The following KDM3A variants were observed in gnomAD, a reference collection of about 807,000 sequenced individuals.
The protein encoded by KDM3A is lysine-specific demethylase 3A.
Under a neutral mutation model 158.0 loss-of-function variants are expected in KDM3A, and 60 were observed. The observed-to-expected ratio is 0.38, with a 90% CI of 0.31 to 0.47. The LOEUF is 0.47. Ranked by LOEUF, KDM3A falls within the 20% of genes least tolerant of loss-of-function variation. KDM3A has a pLI of 0.99. For synonymous variants in KDM3A, 608 were observed against 549.3 expected (o/e 1.11, Z -1.49); for missense variants, 1,319 against 1,574.3 (o/e 0.84, Z 2.74).
intron 11 of KDM3A, among the ~76,000 whole-genome samples, chr2:86,474,335 A>G (rs561220885): frequency 6.4e-4 from 98 of 152,308 alleles, no homozygotes; most frequent in Non-Finnish European, 1.2e-3. Context: ...GAGATTACAG[A>G]AAACTAGGAA....
At chr2:86,491,551 T>C (rs985515179) in intron 25 of KDM3A, 2 of 432,456 alleles carry the variant, frequency 4.6e-6, no homozygotes, top group South Asian at 6.0e-5. Context: ...ATGTGACTTC[T>C]GATCTTGGCC....
rs1673346123 is a variant in KDM3A, at chr2:86,470,344, C to T, written c.1660C>T (p.Leu554Phe). ...ATGCCGAGAGTGTCGCTTGGACAGT[C>T]TCCGCAAGGATAAGGAGCAACAGAA... ...PKCRECRLDS[L>F]RKDKEQQKDS... Residue 554 changes from leucine to phenylalanine, a missense_variant, in exon 11 of 26, where the codon CTC (leucine) becomes TTC (phenylalanine). Leu to Phe is a conservative substitution (Grantham distance 22, BLOSUM62 0). This residue lies in a region of KDM3A where 113 missense variants were observed against 190.5 expected (regional missense o/e 0.59). Coordinates refer to ENST00000312912, the MANE Select transcript of KDM3A (RefSeq NM_018433.6). The T allele has an allele frequency of 6.2e-7, 1 of 1,613,974 alleles. No homozygotes were observed. The highest frequency in any genetic ancestry group is 1.7e-5 in the Admixed American group (1 of 60,002).
chr2:86,444,195 G>A (rs1010601877), intron 2 of KDM3A, among the ~76,000 whole-genome samples: 4 of 152,198 alleles, frequency 2.6e-5, no homozygotes, highest in Non-Finnish European at 2.9e-5. Flanking sequence ...TTAGGAAAAG[G>A]AATCTTGTCC....
intron 8 of KDM3A, among the ~76,000 whole-genome samples, chr2:86,459,234 G>A (rs1672827651): frequency 6.6e-6 from 1 of 152,236 alleles, no homozygotes; most frequent in South Asian, 2.1e-4. Flanking sequence ...GTAAGGCTCT[G>A]GGTAATTAAT....
intron 9 of KDM3A, among the ~76,000 whole-genome samples, chr2:86,466,066 T>C (rs1673131717): frequency 6.6e-6 from 1 of 152,142 alleles, no homozygotes; most frequent in Non-Finnish European, 1.5e-5. Context: ...TATTTTGTTT[T>C]GAGGGAAAGC....
chr2:86,449,778 TC>T (rs1033573742), intron 2 of KDM3A, 28 bp from the exon 3 acceptor site: 9 of 1,574,756 alleles, frequency 5.7e-6, no homozygotes, highest in Non-Finnish European at 7.7e-6. Flanking sequence ...TGAATCTGCT[TC>T]CCCCACCCCC....
rs968947958 is a variant in KDM3A, at chr2:86,484,917, A to G, written c.3095-25A>G. On this transcript the variant is annotated intron_variant, in intron 19 of 25. Transcript: ENST00000312912. ...GTCTGTTTCTGAATTATAAATAGTA[A>G]TAGTTCATTCTGTTTACCTTTCAGA... The G allele has an allele frequency of 8.6e-6, 12 of 1,398,742 alleles. No individual in the cohort carries two copies. The Admixed American group carries it at 1.0e-4, about 12-fold the overall frequency. 86.6% of individuals were successfully genotyped at this position (1,398,742 alleles called of 1,614,324 possible). A position where few individuals can be genotyped will look rare whatever the true frequency, so the allele number is the denominator to read the frequency against.
rs1240559097 is a variant in KDM3A, at chr2:86,464,201, C to G, written c.992C>G (p.Ala331Gly). Residue 331 changes from alanine to glycine, a missense_variant, in exon 9 of 26, where the codon GCA becomes GGA. Around this residue, in one of 4 missense-constraint regions of KDM3A, gnomAD observed 652 missense variants for 627.2 expected, o/e 1.04. Coordinates refer to ENST00000312912, the MANE Select transcript of KDM3A (RefSeq NM_018433.6). The part of the protein sequence containing the change: ...QAANSPPNLG[A>G]KIPQGCHKQS... ...GCCAACTCTCCACCTAACCTTGGAGCAAAAATTCCTCAAGGGTGAGTAGTG... is the reference window on the plus strand; with the variant it reads ...GCCAACTCTCCACCTAACCTTGGAGGAAAAATTCCTCAAGGGTGAGTAGTG... The G allele has an allele frequency of 6.3e-7, 1 of 1,598,346 alleles. No homozygotes were observed. The highest frequency in any genetic ancestry group is 1.3e-5 in the African/African-American group (1 of 74,142).
Position 86,456,416 on chromosome 2 carries a change from ATTTTTT to A in KDM3A, c.557-9_557-4del, listed in dbSNP as rs11431031. 13 of 1,057,588 alleles carry A rather than the reference ATTTTTT, an allele frequency of 1.2e-5. No individual in the cohort carries two copies. Among genetic ancestry groups the A allele is most frequent in the Admixed American group, 4.3e-5 (1 of 23,230 alleles). 65.5% of individuals were successfully genotyped at this position (1,057,588 alleles called of 1,614,324 possible). On this transcript the variant is annotated intron_variant, in intron 5 of 25. Coordinates refer to ENST00000312912, the MANE Select transcript of KDM3A (RefSeq NM_018433.6). Reference sequence around the variant, plus strand: ...GGGAGATAATGCAAATTGCTCTAAGATTTTTTTTTTTTTTTTTTTTTTAAGGTGACA... The same window carrying A: ...GGGAGATAATGCAAATTGCTCTAAGATTTTTTTTTTTTTTTTAAGGTGACA...
At position 86,482,586 on chromosome 2, in the gene KDM3A, C is replaced by T. The variant is rs1474178883; in HGVS notation, c.2814C>T (p.Gly938=). 1 of 1,614,076 alleles carries T rather than the reference C, an allele frequency of 6.2e-7. No homozygotes were observed. ...TAACCATCAAGCCCAGCATTCTGGG[C>T]TTTGACACTCCTCACTATTGGCTTT... ...QGLTIKPSIL[G]FDTPHYWLCD... Residue 938 remains glycine (G), a synonymous_variant, in exon 18 of 26, where the codon GGC becomes GGT. Transcript: ENST00000312912.
chr2:86,469,993 A>G (rs1198890404), intron 10 of KDM3A, among the ~76,000 whole-genome samples: 1 of 152,206 alleles, frequency 6.6e-6, no homozygotes, highest in Non-Finnish European at 1.5e-5. Context: ...GATTGAGCAA[A>G]TAAGAATTGT....
At chr2:86,446,594 C>T (rs1448790613) in intron 2 of KDM3A, among the ~76,000 whole-genome samples, 1 of 152,102 alleles carries the variant, frequency 6.6e-6, no homozygotes, top group African/African-American at 2.4e-5. Context: ...CCTGTAATCC[C>T]AGCTACTTGG....
intron 8 of KDM3A, among the ~76,000 whole-genome samples, chr2:86,462,606 G>T (rs1320555784): frequency 1.3e-5 from 2 of 152,276 alleles, no homozygotes; most frequent in South Asian, 2.1e-4. Context: ...GACTGAAATA[G>T]TGTAATATAT....
chr2:86,489,212 C>A, intron 21 of KDM3A, 106 bp from the exon 22 acceptor site: 1 of 1,257,768 alleles, frequency 8.0e-7, no homozygotes, highest in Non-Finnish European at 1.1e-6. Context: ...TTTTTATTCT[C>A]AGCAGAAGAG....
chr2:86,452,842 C>A (rs1444474305), intron 4 of KDM3A, among the ~76,000 whole-genome samples: 2 of 152,108 alleles, frequency 1.3e-5, no homozygotes, highest in African/African-American at 4.8e-5. Flanking sequence ...ATAATCTGAA[C>A]CTTATTTTAT....
intron 18 of KDM3A, chr2:86,483,709 G>A (rs980667132): frequency 1.8e-5 from 4 of 219,426 alleles, no homozygotes; most frequent in South Asian, 1.1e-4. Context: ...TTCACAGTCC[G>A]TCTTGCTGTA....
At chr2:86,477,589 C>T (rs989191237) in intron 12 of KDM3A, among the ~76,000 whole-genome samples, 12 of 152,102 alleles carry the variant, frequency 7.9e-5, no homozygotes, top group Non-Finnish European at 1.6e-4. Context: ...GCTGCACAGT[C>T]TGAATAGGGA....
upstream of KDM3A, among the ~76,000 whole-genome samples, chr2:86,438,902 C>T (rs1199579030): frequency 2.0e-5 from 3 of 151,958 alleles, no homozygotes; most frequent in Non-Finnish European, 4.4e-5. Flanking sequence ...GCTGCTTTGA[C>T]TCCTTTACAA....
chr2:86,440,557 G>C (rs184163808), upstream of KDM3A: 1 of 152,086 alleles, frequency 6.6e-6, no homozygotes. Flanking sequence ...GTAAGTATCT[G>C]AATACCTTCT....
Sources: gnomAD v4.1 joint callset for allele counts (sites outside exome capture counted in the v4.1 genomes callset) on GRCh38, gnomAD v4.1.1 for gene constraint, gnomAD v4.1.1 regional missense constraint, MANE v1.5 for transcripts, NCBI Gene and HGNC (gene_info 2026-07-23, HGNC 2026-07-21) for gene names.